FBXO36: variants seen among roughly 807,000 people sequenced by gnomAD.
FBXO36 encodes the protein F-box protein 36, also known as F-box only protein 36.
In FBXO36, 18 loss-of-function variants were observed where a neutral mutation model predicts 17.0. The ratio of observed to expected loss-of-function variants is 1.06; its 90% confidence interval spans 0.73 to 1.57. The LOEUF (loss-of-function observed/expected upper bound fraction) is 1.57. Ranked by LOEUF, FBXO36 falls within the 40% of genes most tolerant of loss-of-function variation. The probability of loss-of-function intolerance (pLI) is 0.00; values close to 1 mark genes in which losing one functional copy is unlikely to be tolerated. For missense variants in FBXO36, 229 were observed against 221.9 expected, an observed-to-expected ratio of 1.03 and a Z score of -0.20; for synonymous variants, 83 against 85.3, an observed-to-expected ratio of 0.97 and a Z score of 0.15.
intron 1 of FBXO36, among the ~76,000 whole-genome samples, chr2:229,961,526 C>G (rs753031534): frequency 2.6e-5 from 4 of 152,112 alleles, no homozygotes; most frequent in Non-Finnish European, 5.9e-5. Flanking sequence ...CGGGCGCATG[C>G]CACCACGCCC....
chr2:229,995,596 C>CTTTTT (rs1294052123), intron 2 of FBXO36, among the ~76,000 whole-genome samples: 3 of 132,102 alleles, frequency 2.3e-5, no homozygotes, highest in African/African-American at 8.5e-5. Context: ...TTCTTTCTTT[C>CTTTTT]TTTTTTTTTT....
intron 1 of FBXO36, 134 bp downstream of exon 1, chr2:229,922,743 G>C: frequency 1.2e-6 from 1 of 853,274 alleles, no homozygotes; most frequent in Admixed American, 2.8e-5. Flanking sequence ...CGCGCCGGGA[G>C]ATTTTCCTCG....
chr2:229,928,384 A>G (rs1217464385), intron 1 of FBXO36, among the ~76,000 whole-genome samples: 1 of 152,190 alleles, frequency 6.6e-6, no homozygotes, highest in Non-Finnish European at 1.5e-5. Context: ...GGAATGATGC[A>G]CTCTTAAGAG....
chr2:229,999,228 G>A lies in FBXO36; in HGVS notation c.378+2305G>A, dbSNP rs567736787. Among the ~76,000 whole-genome samples the A allele has an allele frequency of 3.6e-4, 53 of 148,998 alleles. 1 individual carries two copies. The highest frequency in any genetic ancestry group is 1.3e-3 in the African/African-American group (52 of 40,436). ...TGCAACCTCCGCCTATTGGGTTCAA[G>A]TGATTCTTGTGCCTCAGCTTCCCGA... On this transcript the variant is annotated intron_variant, in intron 3 of 3. Transcript: ENST00000283946.
chr2:229,978,019 A>T (rs528552038), intron 2 of FBXO36, among the ~76,000 whole-genome samples: 2 of 152,136 alleles, frequency 1.3e-5, no homozygotes, highest in Non-Finnish European at 2.9e-5. Context: ...TGGGAGGCCA[A>T]TGTGGAAGGA....
chr2:229,961,485 C>T (rs1191563145), intron 1 of FBXO36, among the ~76,000 whole-genome samples: 1 of 152,124 alleles, frequency 6.6e-6, no homozygotes, highest in African/African-American at 2.4e-5. Context: ...AAGCGATTCT[C>T]CTGCCTCAGC....
chr2:229,922,752 C>A, intron 1 of FBXO36, 143 bp downstream of exon 1: 2 of 802,844 alleles, frequency 2.5e-6, no homozygotes, highest in Non-Finnish European at 3.9e-6. Flanking sequence ...AGATTTTCCT[C>A]GTCACCTCGG....
rs539131772 is a variant in FBXO36, at chr2:229,941,283, G to C, written c.96+18674G>C. Among the ~76,000 whole-genome samples, 13 of 152,024 alleles carry C rather than the reference G, an allele frequency of 8.6e-5. 2 individuals carry two copies. The highest frequency in any genetic ancestry group is 3.1e-4 in the African/African-American group (13 of 41,450). ...ATCCTGGCTAACACGGTGAAACCCC[G>C]TGTCTACTAAAAATACAAAAAATTA... On this transcript the variant is annotated intron_variant, in intron 1 of 3. Transcript: ENST00000283946.
At chr2:229,972,169 T>G (rs979416713) in intron 1 of FBXO36, among the ~76,000 whole-genome samples, 2 of 151,764 alleles carry the variant, frequency 1.3e-5, no homozygotes, top group African/African-American at 2.4e-5. Context: ...AATTTTTGTA[T>G]TTTTAGTAGA....
At chr2:229,982,449 C>T (rs1156816794) in intron 2 of FBXO36, among the ~76,000 whole-genome samples, 1 of 152,090 alleles carries the variant, frequency 6.6e-6, no homozygotes, top group African/African-American at 2.4e-5. Context: ...TCGTCTTTCC[C>T]TTATAAGGAA....
intron 1 of FBXO36, 89 bp from the exon 2 acceptor site, chr2:229,976,152 C>A (rs2077206997): frequency 4.7e-6 from 4 of 856,648 alleles, no homozygotes; most frequent in Non-Finnish European, 7.2e-6. Context: ...GGACACATAG[C>A]CTTATGCAAA....
At chr2:229,998,532 G>T (rs66506918) in intron 3 of FBXO36, among the ~76,000 whole-genome samples, 20,985 of 151,838 alleles carry the variant, frequency 0.14, 1,806 homozygotes, top group Middle Eastern at 0.2. Flanking sequence ...TGAGGCAGGA[G>T]AATCGCTTGA....
chr2:229,998,800 ATTTTTTTT>A (rs1157314161), intron 3 of FBXO36, among the ~76,000 whole-genome samples: 2 of 132,188 alleles, frequency 1.5e-5, no homozygotes, highest in East Asian at 4.3e-4. Context: ...AAAAAACATA[ATTTTTTTT>A]TTTTTTTTTT....
chr2:230,000,203 C>T (rs1289961168), intron 3 of FBXO36, among the ~76,000 whole-genome samples: 1 of 151,688 alleles, frequency 6.6e-6, no homozygotes, highest in African/African-American at 2.4e-5. Context: ...ACTAAAAATA[C>T]AAAAATTAGC....
intron 3 of FBXO36, among the ~76,000 whole-genome samples, chr2:230,002,360 GT>G (rs779296267): frequency 5.0e-4 from 76 of 151,210 alleles, no homozygotes; most frequent in Non-Finnish European, 8.6e-4. Flanking sequence ...ATCTTTCTCT[GT>G]TTTTTCCCCC....
At chr2:229,981,171 A>G (rs2077237300) in intron 2 of FBXO36, among the ~76,000 whole-genome samples, 1 of 152,158 alleles carries the variant, frequency 6.6e-6, no homozygotes, top group Non-Finnish European at 1.5e-5. Flanking sequence ...TGGTTACTCC[A>G]TATAGCCACG....
chr2:230,009,321 G>A (rs2077402781), intron 3 of FBXO36, among the ~76,000 whole-genome samples: 1 of 152,168 alleles, frequency 6.6e-6, no homozygotes, highest in Non-Finnish European at 1.5e-5. Flanking sequence ...TCATGCCTAT[G>A]TTTGTGTGAA....
chr2:229,976,180 T>G, intron 1 of FBXO36, 61 bp from the exon 2 acceptor site: 1 of 1,335,386 alleles, frequency 7.5e-7, no homozygotes, highest in Non-Finnish European at 1.0e-6. Context: ...AACCCCAAAC[T>G]TAATGTAACT....
chr2:229,941,810 A>C (rs1443152866), intron 1 of FBXO36, among the ~76,000 whole-genome samples: 3 of 152,176 alleles, frequency 2.0e-5, no homozygotes, highest in Non-Finnish European at 4.4e-5. Flanking sequence ...TGAGGTCATG[A>C]GCTCAAGACC....
Sources: gnomAD v4.1 joint callset for allele counts (sites outside exome capture counted in the v4.1 genomes callset) on GRCh38, gnomAD v4.1.1 for gene constraint, MANE v1.5 for transcripts, NCBI Gene and HGNC (gene_info 2026-07-23, HGNC 2026-07-21) for gene names.